CFAP77: variants seen among roughly 807,000 people sequenced by gnomAD.
CFAP77 encodes the protein cilia- and flagella-associated protein 77.
A neutral mutation model predicts 31.1 loss-of-function variants in CFAP77; 25 were observed. The ratio of observed to expected loss-of-function variants is 0.80; its 90% confidence interval spans 0.59 to 1.12. The LOEUF is 1.12. Among genes scored for constraint, CFAP77 ranks in the 50% most tolerant of loss-of-function variants. The pLI is 0.00. For synonymous variants in CFAP77, 151 were observed against 159.9 expected, an observed-to-expected ratio of 0.94 and a Z score of 0.42; for missense variants, 377 against 397.3, an observed-to-expected ratio of 0.95 and a Z score of 0.44.
chr9:132,518,889 G>A (rs1045866288), intron 3 of CFAP77, among the ~76,000 whole-genome samples: 7 of 152,234 alleles, frequency 4.6e-5, no homozygotes, highest in African/African-American at 1.4e-4. Flanking sequence ...GGGCTGCAGC[G>A]TGGCTACCCC....
At chr9:132,427,708 C>T (rs2131686947) in intron 1 of CFAP77, among the ~76,000 whole-genome samples, 1 of 152,324 alleles carries the variant, frequency 6.6e-6, no homozygotes, top group South Asian at 2.1e-4. Context: ...AGGGAAGGAT[C>T]TGTTCCAGGC....
intron 1 of CFAP77, chr9:132,482,175 C>A: frequency 1.7e-6 from 1 of 594,516 alleles, no homozygotes; most frequent in Non-Finnish European, 3.0e-6. Flanking sequence ...CCTTTTCTCT[C>A]TTTCTTTCTT....
At chr9:132,467,359 C>T (rs1451632445) in intron 1 of CFAP77, among the ~76,000 whole-genome samples, 2 of 152,180 alleles carry the variant, frequency 1.3e-5, no homozygotes, top group Admixed American at 6.5e-5. Flanking sequence ...TCATCCCCCT[C>T]CTCCCCTCAG....
intron 3 of CFAP77, among the ~76,000 whole-genome samples, chr9:132,508,781 C>T (rs1851981181): frequency 6.6e-6 from 1 of 152,172 alleles, no homozygotes; most frequent in South Asian, 2.1e-4. Flanking sequence ...TCATTAAATA[C>T]AACTCTACCA....
At chr9:132,538,864 G>C (rs981200814) in intron 4 of CFAP77, among the ~76,000 whole-genome samples, 1 of 152,086 alleles carries the variant, frequency 6.6e-6, no homozygotes, top group Non-Finnish European at 1.5e-5. Context: ...AAGGCGGGCG[G>C]ATCATGAGGT....
intron 1 of CFAP77, among the ~76,000 whole-genome samples, chr9:132,446,743 C>CAAAAAAA: frequency 1.5e-5 from 1 of 66,056 alleles, no homozygotes; most frequent in Non-Finnish European, 3.0e-5. Context: ...TCCTCCGTCT[C>CAAAAAAA]AAAAAAAAAA....
At chr9:132,418,822 T>G (rs1378977520) in intron 1 of CFAP77, among the ~76,000 whole-genome samples, 1 of 152,232 alleles carries the variant, frequency 6.6e-6, no homozygotes, top group African/African-American at 2.4e-5. Context: ...CCAAGGATTT[T>G]GTTTGGTTTG....
At chr9:132,536,967 C>A (rs1429034225) in intron 3 of CFAP77, among the ~76,000 whole-genome samples, 1 of 152,016 alleles carries the variant, frequency 6.6e-6, no homozygotes, top group Admixed American at 6.6e-5. Context: ...GGCTGGAAAT[C>A]GTTGTCAAAG....
At chr9:132,510,047 C>T (rs1589895503) in intron 3 of CFAP77, among the ~76,000 whole-genome samples, 1 of 152,238 alleles carries the variant, frequency 6.6e-6, no homozygotes, top group Non-Finnish European at 1.5e-5. Flanking sequence ...GAGATTTATT[C>T]GCGGCCTGAC....
At chr9:132,510,201 T>C (rs1388450113) in intron 3 of CFAP77, among the ~76,000 whole-genome samples, 2 of 152,162 alleles carry the variant, frequency 1.3e-5, no homozygotes, top group Non-Finnish European at 2.9e-5. Flanking sequence ...CTAACGAGGC[T>C]GGCCCGGCTG....
At chr9:132,410,523 G>T in intron 1 of CFAP77, 57 bp downstream of exon 1, 2 of 1,439,728 alleles carry the variant, frequency 1.4e-6, no homozygotes, top group Middle Eastern at 1.9e-4. Flanking sequence ...CACCTGCGCC[G>T]CCGGGGGTCC....
intron 1 of CFAP77, among the ~76,000 whole-genome samples, chr9:132,438,547 T>A (rs1265463418): frequency 0.011 from 1,340 of 117,594 alleles, 13 homozygotes; most frequent in South Asian, 0.035. Flanking sequence ...ATATATTTTT[T>A]TTTTTTTTTT....
At chr9:132,410,575 C>A in intron 1 of CFAP77, 109 bp downstream of exon 1, 2 of 980,532 alleles carry the variant, frequency 2.0e-6, no homozygotes, top group Non-Finnish European at 2.9e-6. Context: ...GGTCCGAGCG[C>A]AGCGTGGGAA....
At chr9:132,488,249 C>T (rs962321322) in intron 1 of CFAP77, among the ~76,000 whole-genome samples, 2 of 152,156 alleles carry the variant, frequency 1.3e-5, no homozygotes, top group Non-Finnish European at 2.9e-5. Context: ...GGGTCTGACA[C>T]TCAGGCATCG....
At chr9:132,471,643 T>C (rs561270233) in intron 1 of CFAP77, among the ~76,000 whole-genome samples, 5 of 152,134 alleles carry the variant, frequency 3.3e-5, no homozygotes, top group Non-Finnish European at 7.4e-5. Flanking sequence ...ACCCAGCTAT[T>C]ACAGGATTTT....
intron 1 of CFAP77, among the ~76,000 whole-genome samples, chr9:132,471,389 ACT>A (rs1266539401): frequency 1.3e-5 from 2 of 151,520 alleles, no homozygotes; most frequent in Non-Finnish European, 2.9e-5. Context: ...CCTGCCCACA[ACT>A]CTCTGGTGGG....
chr9:132,415,960 G>A lies in CFAP77; in HGVS notation c.195+5494G>A, dbSNP rs564380993. 7.2e-5 allele frequency among the ~76,000 whole-genome samples: 11 copies of A among 152,288 alleles called. No individual in the cohort carries two copies. The South Asian group carries it at 2.3e-3, about 32-fold the overall frequency. Reference sequence around the variant, plus strand: ...GTATTTTATATCAAATGCTAACAATGGAGACCACCAACATGTTAGCTATGC... The same window carrying A: ...GTATTTTATATCAAATGCTAACAATAGAGACCACCAACATGTTAGCTATGC... On this transcript the variant is annotated intron_variant, in intron 1 of 5. Coordinates refer to ENST00000393216, the MANE Select transcript of CFAP77 (RefSeq NM_001282957.2).
At chr9:132,537,538 T>G (rs1589914355) in intron 3 of CFAP77, 63 bp from the exon 4 acceptor site, 2 of 1,246,354 alleles carry the variant, frequency 1.6e-6, no homozygotes, top group Non-Finnish European at 2.3e-6. Flanking sequence ...GGGCGGGCGG[T>G]GGGGAGCGGG....
At chr9:132,450,727 T>C (rs539862096) in intron 1 of CFAP77, among the ~76,000 whole-genome samples, 1 of 152,214 alleles carries the variant, frequency 6.6e-6, no homozygotes, top group East Asian at 1.9e-4. Flanking sequence ...CCTTTAAAGA[T>C]GTTAAGTGGG....
Sources: gnomAD v4.1 joint callset for allele counts (sites outside exome capture counted in the v4.1 genomes callset) on GRCh38, gnomAD v4.1.1 for gene constraint, MANE v1.5 for transcripts, NCBI Gene and HGNC (gene_info 2026-07-23, HGNC 2026-07-21) for gene names.